Variants in PCGF3 observed in about 807,000 individuals in gnomAD.
PCGF3 encodes polycomb group ring finger 3.
In PCGF3, 7 loss-of-function variants were observed where a neutral mutation model predicts 33.1. The observed-to-expected ratio is 0.21, with a 90% CI of 0.12 to 0.40. The LOEUF is 0.40. Ranked by LOEUF, PCGF3 falls within the 10% of genes least tolerant of loss-of-function variation. The probability of loss-of-function intolerance (pLI) is 1.00; values close to 1 mark genes in which losing one functional copy is unlikely to be tolerated. For synonymous variants in PCGF3, 153 were observed against 121.3 expected (o/e 1.26, Z -1.72); for missense variants, 211 against 313.3 (o/e 0.67, Z 2.46).
intron 3 of PCGF3, among the ~76,000 whole-genome samples, chr4:732,859 C>G (rs1743660498): frequency 6.6e-6 from 1 of 152,254 alleles, no homozygotes; most frequent in Non-Finnish European, 1.5e-5. Context: ...GCGGAGCGGC[C>G]CTGCTCTCTT....
chr4:749,799 T>C (rs991799647), intron 8 of PCGF3, among the ~76,000 whole-genome samples: 3 of 152,168 alleles, frequency 2.0e-5, no homozygotes, highest in African/African-American at 7.2e-5. Flanking sequence ...CTTTTTTTTT[T>C]CTGACATCTT....
intron 8 of PCGF3, among the ~76,000 whole-genome samples, chr4:754,241 G>GCT (rs1237741464): frequency 6.6e-6 from 1 of 152,186 alleles, no homozygotes; most frequent in East Asian, 1.9e-4. Flanking sequence ...GGCTCCAATG[G>GCT]CTCTTGTGTC....
rs185960323 is a variant in PCGF3 at position 720,267 on chromosome 4, C to T, written c.-189-10363C>T. Among the ~76,000 whole-genome samples the T allele has an allele frequency of 4.3e-4, 66 of 152,140 alleles. No individual in the cohort carries two copies. Among genetic ancestry groups the T allele is most frequent in the African/African-American group, 1.5e-3 (62 of 41,528 alleles). ...GACCGCGGGAGGAGCGCCCGTGCAT[C>T]GCTGCAGAGGGTGACTGCGGGAGGA... On this transcript the variant is annotated intron_variant, in intron 1 of 10. Coordinates refer to ENST00000362003, the Ensembl canonical transcript of PCGF3. The surrounding 1 kb of genome is among the most constrained non-coding windows in gnomAD (Gnocchi z 5.6).
intron 8 of PCGF3, among the ~76,000 whole-genome samples, chr4:748,398 C>A (rs1047441286): frequency 6.6e-5 from 10 of 152,152 alleles, no homozygotes; most frequent in African/African-American, 2.4e-4. Flanking sequence ...CAGGGTTTCA[C>A]CACGTTGGCC....
At chr4:706,153 C>T (rs1273720438) in intron 1 of PCGF3, among the ~76,000 whole-genome samples, 183 bp downstream of exon 1, 2 of 152,072 alleles carry the variant, frequency 1.3e-5, no homozygotes, top group East Asian at 1.9e-4. Context: ...GTCAGGACTC[C>T]GGGAGGTCGA....
chr4:715,198 T>G, intron 1 of PCGF3, among the ~76,000 whole-genome samples: 1 of 140,788 alleles, frequency 7.1e-6, no homozygotes, highest in African/African-American at 2.6e-5. Context: ...ACACTGCGAG[T>G]GTGAGAACTG....
intron 8 of PCGF3, among the ~76,000 whole-genome samples, chr4:748,231 C>G (rs993874448): frequency 1.7e-4 from 25 of 150,588 alleles, no homozygotes; most frequent in Non-Finnish European, 3.4e-4. Context: ...TGGAGTTTTG[C>G]TCTTGTCTGC....
chr4:716,000 C>G (rs77830491), intron 1 of PCGF3, among the ~76,000 whole-genome samples: 82 of 98,446 alleles, frequency 8.3e-4, no homozygotes, highest in South Asian at 1.2e-3. Context: ...AACTGGGCGT[C>G]GGTGCTGGGA....
intron 8 of PCGF3, among the ~76,000 whole-genome samples, chr4:755,251 A>G (rs919092311): frequency 6.6e-6 from 1 of 152,200 alleles, no homozygotes; most frequent in Admixed American, 6.5e-5. Flanking sequence ...TCACTCTTCT[A>G]AGACATTGCA....
chr4:766,201 A>G, exon 11 of PCGF3: 1 of 736,550 alleles, frequency 1.4e-6, no homozygotes, highest in Non-Finnish European at 2.3e-6. Flanking sequence ...GAATATTTAT[A>G]ACTTTTGTAT....
At chr4:709,406 C>A (rs1742470235) in intron 1 of PCGF3, among the ~76,000 whole-genome samples, 1 of 151,834 alleles carries the variant, frequency 6.6e-6, no homozygotes, top group Admixed American at 6.6e-5. Flanking sequence ...GAATGAAAGG[C>A]AAGAGTGAAT....
At chr4:742,850 C>T (rs936873074) in intron 6 of PCGF3, among the ~76,000 whole-genome samples, 2 of 152,338 alleles carry the variant, frequency 1.3e-5, no homozygotes, top group Non-Finnish European at 2.9e-5. Flanking sequence ...TGCCAGAGCT[C>T]ATAGCTGTGA....
At position 741,897 on chromosome 4, in the gene PCGF3, G is replaced by A. The variant is rs191293183; in HGVS notation, c.263-1577G>A. 4.1e-3 allele frequency among the ~76,000 whole-genome samples: 623 copies of A among 152,204 alleles called. 5 individuals carry two copies. Among genetic ancestry groups the A allele is most frequent in the African/African-American group, 0.015 (604 of 41,536 alleles). ...CGGACCTATGTGGCCTGTTGTTCCC[G>A]TCACGGCTCTTCTGCAGACTGATGG... On this transcript the variant is annotated intron_variant, in intron 6 of 10. Transcript: ENST00000362003.
At chr4:740,517 TC>T (rs1238618826) in intron 6 of PCGF3, among the ~76,000 whole-genome samples, 2 of 152,166 alleles carry the variant, frequency 1.3e-5, no homozygotes, top group Non-Finnish European at 2.9e-5. Context: ...TCCTGTCCGT[TC>T]CTGGTGAGGG....
At chr4:750,264 T>G (rs1305502740) in intron 8 of PCGF3, among the ~76,000 whole-genome samples, 1 of 152,242 alleles carries the variant, frequency 6.6e-6, no homozygotes, top group Non-Finnish European at 1.5e-5. Flanking sequence ...AACATTTGAG[T>G]AACGTGGCCT....
exon 4 of PCGF3, chr4:733,750 C>T: frequency 6.2e-7 from 1 of 1,613,292 alleles, no homozygotes; most frequent in Non-Finnish European, 8.5e-7. Flanking sequence ...CAGCGGGTAC[C>T]TCATCGACGC....
At chr4:730,050 C>G (rs1261723700) in intron 1 of PCGF3, among the ~76,000 whole-genome samples, 1 of 152,088 alleles carries the variant, frequency 6.6e-6, no homozygotes, top group East Asian at 1.9e-4. Flanking sequence ...GCCCCTCCCT[C>G]CCTGTCTGAG....
At chr4:729,123 A>AC (rs1743447732) in intron 1 of PCGF3, among the ~76,000 whole-genome samples, 1 of 148,430 alleles carries the variant, frequency 6.7e-6, no homozygotes, top group South Asian at 2.1e-4. Flanking sequence ...AAAAAAAAAA[A>AC]AAAAAACTGG....
intron 6 of PCGF3, among the ~76,000 whole-genome samples, chr4:742,488 G>A (rs924926398): frequency 1.3e-5 from 2 of 152,240 alleles, no homozygotes; most frequent in Admixed American, 1.3e-4. Flanking sequence ...TGTCTGGGTT[G>A]CGGTTTGAGC....
Sources: gnomAD v4.1 joint callset for allele counts (sites outside exome capture counted in the v4.1 genomes callset) on GRCh38, gnomAD v4.1.1 for gene constraint, Gnocchi (gnomAD v3.1) non-coding constraint, MANE v1.5 for transcripts, NCBI Gene and HGNC (gene_info 2026-07-23, HGNC 2026-07-21) for gene names.